The following MLH3 variants were observed in gnomAD, a reference collection of about 807,000 sequenced individuals.
The protein encoded by MLH3 is mutL homolog 3.
A neutral mutation model predicts 122.2 loss-of-function variants in MLH3; 82 were observed. That is an observed-to-expected ratio of 0.67 (90% CI 0.56 to 0.81). The LOEUF is 0.81. Ranked by LOEUF, MLH3 falls within the 30% of genes least tolerant of loss-of-function variation. The pLI is 0.00. For missense variants in MLH3, 1,539 were observed against 1,714.5 expected, an observed-to-expected ratio of 0.90 and a Z score of 1.81; for synonymous variants, 524 against 599.5, an observed-to-expected ratio of 0.87 and a Z score of 1.84.
intron 2 of MLH3, among the ~76,000 whole-genome samples, chr14:75,042,852 T>A (rs574554373): frequency 6.6e-6 from 1 of 152,068 alleles, no homozygotes; most frequent in East Asian, 1.9e-4. Context: ...CTCGGCTTAC[T>A]GCAACTTCCG....
chr14:75,039,317 A>G (rs1171345459), intron 5 of MLH3, among the ~76,000 whole-genome samples: 1 of 152,144 alleles, frequency 6.6e-6, no homozygotes, highest in East Asian at 1.9e-4. Flanking sequence ...GTACCAGGTC[A>G]ATGCCAGGTT....
intron 9 of MLH3, among the ~76,000 whole-genome samples, chr14:75,029,833 C>G (rs1049487724): frequency 6.6e-6 from 1 of 152,160 alleles, no homozygotes; most frequent in African/African-American, 2.4e-5. Context: ...CCTTGCCCAG[C>G]CTAGTTTCCC....
rs1891930402 is a variant in MLH3 at position 75,042,492 on chromosome 14, G to GA, written c.3281-16dup. The GA allele has an allele frequency of 6.3e-7, 1 of 1,579,372 alleles. No individual in the cohort carries two copies. Among genetic ancestry groups the GA allele is most frequent in the East Asian group, 2.2e-5 (1 of 44,748 alleles). On this transcript the variant is annotated splice_polypyrimidine_tract_variant and intron_variant, in intron 2 of 12. Coordinates refer to ENST00000355774, the MANE Select transcript of MLH3 (RefSeq NM_001040108.2). ...GTACTGAGACCCTAAATATAAGAAAGAAAAACCTAGAAATGTGAACTTAAA... is the reference window on the plus strand; with the variant it reads ...GTACTGAGACCCTAAATATAAGAAAGAAAAAACCTAGAAATGTGAACTTAAA...
In MLH3 at chr14:75,024,052, G is replaced by A. The variant is rs552574600; in HGVS notation, c.3988-1034C>T. ...GTGTGGATGGAGAGCAAACATTCTT[G>A]TGTTTGTACATCTGGGATGGTAAAA... On this transcript the variant is annotated intron_variant, in intron 9 of 12. Coordinates refer to ENST00000355774, the MANE Select transcript of MLH3 (RefSeq NM_001040108.2). Among the ~76,000 whole-genome samples, 21 of 152,284 alleles carry A rather than the reference G, an allele frequency of 1.4e-4. 1 individual carries two copies. The South Asian group carries it at 4.4e-3, about 32-fold the overall frequency.
At chr14:75,034,191 T>TAAAAGAAAAAAAAAAAAAAA (rs1891235554) in intron 6 of MLH3, among the ~76,000 whole-genome samples, 1 of 143,680 alleles carries the variant, frequency 7.0e-6, no homozygotes. Flanking sequence ...GACTCCATCT[T>TAAAAGAAAAAAAAAAAAAAA]AAAAAAAAAA....
chr14:75,018,214 TCTC>T (rs1890028506), intron 12 of MLH3, among the ~76,000 whole-genome samples: 2 of 152,248 alleles, frequency 1.3e-5, no homozygotes, highest in South Asian at 4.1e-4. Flanking sequence ...TTCTCCATGT[TCTC>T]CTTCACTGAA....
At chr14:75,039,867 ATATATATATATATATT>A (rs770722417) in intron 5 of MLH3, 28 bp downstream of exon 5, 12 of 272,678 alleles carry the variant, frequency 4.4e-5, no homozygotes, top group South Asian at 6.6e-5. Context: ...ATATATATAT[ATATATATATATATATT>A]TATGAGATTT....
chr14:75,024,818 A>T (rs1890522403), intron 9 of MLH3, among the ~76,000 whole-genome samples: 1 of 152,214 alleles, frequency 6.6e-6, no homozygotes, highest in South Asian at 2.1e-4. Context: ...TAGTCTTTTA[A>T]GTTCCTTCAG....
intron 5 of MLH3, 58 bp downstream of exon 5, chr14:75,039,845 CCATATATA>C (rs1230039230): frequency 3.2e-5 from 10 of 316,526 alleles, no homozygotes; most frequent in African/African-American, 2.5e-4. Flanking sequence ...AAGAGTTAGG[CCATATATA>C]TATATATATA....
In MLH3 at chr14:75,047,569, G is replaced by A. The variant is rs755009705; in HGVS notation, c.2087C>T (p.Ala696Val). ...TGATTTTTTGCTACCTTCCTGAAAA[G>A]CAGAAAACATTGTATAAGTTGCTGT... ...EPTATYTMFS[A>V]FQEGSKKSQT... Residue 696 changes from alanine (A) to valine (V), a missense_variant, in exon 2 of 13, where the codon GCT (alanine) becomes GTT (valine). Transcript: ENST00000355774. The A allele has an allele frequency of 6.2e-7, 1 of 1,613,968 alleles. No individual in the cohort carries two copies. Among genetic ancestry groups the A allele is most frequent in the Admixed American group, 1.7e-5 (1 of 60,014 alleles).
At chr14:75,038,030 G>C (rs987471198) in intron 6 of MLH3, among the ~76,000 whole-genome samples, 1 of 152,168 alleles carries the variant, frequency 6.6e-6, no homozygotes, top group Non-Finnish European at 1.5e-5. Flanking sequence ...CTCCTGAGTA[G>C]CTGGGACTAC....
intron 4 of MLH3, among the ~76,000 whole-genome samples, chr14:75,040,839 G>T (rs1329069646): frequency 6.6e-6 from 1 of 152,100 alleles, no homozygotes; most frequent in Non-Finnish European, 1.5e-5. Context: ...TCTGAGAGTG[G>T]TAAACACATT....
In MLH3 at chr14:75,014,566, T is replaced by G. The variant is rs1889800376; in HGVS notation, c.*2516A>C. On this transcript the variant is annotated 3_prime_UTR_variant, in exon 13 of 13. Transcript: ENST00000355774. ...CAGAAGAAGCTACTATATTCTATCA[T>G]TAGTTTCCTTGTCTTTCTCAGTGAC... 3 of 201,994 alleles carry G rather than the reference T, an allele frequency of 1.5e-5. No individual in the cohort carries two copies. The highest frequency in any genetic ancestry group is 3.1e-5 in the Non-Finnish European group (3 of 98,180). 12.5% of individuals were successfully genotyped at this position (201,994 alleles called of 1,614,324 possible). A position where few individuals can be genotyped will look rare whatever the true frequency, so the allele number is the denominator to read the frequency against.
chr14:75,030,309 T>G (rs1890958921), intron 9 of MLH3, among the ~76,000 whole-genome samples: 1 of 152,208 alleles, frequency 6.6e-6, no homozygotes, highest in Non-Finnish European at 1.5e-5. Flanking sequence ...CCTTTATCAC[T>G]GGGAAGAAAG....
In MLH3 at chr14:75,049,212, CA is replaced by C; in HGVS notation, c.443del (p.Val148GlyfsTer10). On this transcript the variant is annotated frameshift_variant, in exon 2 of 13. Coordinates refer to ENST00000355774, the MANE Select transcript of MLH3 (RefSeq NM_001040108.2). LOFTEE classifies it high-confidence loss of function. The part of the protein sequence containing the change: ...TRASAGTTVT[V>X]YNLFYQLPVR... ...CAGGAAGCTGGTAAAATAGGTTATA[CA>C]CTGTTACAGTAGTCCCAGCGCTTGC... 6.2e-7 allele frequency: 1 copy of C among 1,614,210 alleles called. No individual in the cohort carries two copies. Among genetic ancestry groups the C allele is most frequent in the Non-Finnish European group, 8.5e-7 (1 of 1,180,036 alleles).
At chr14:75,027,626 G>A (rs2139360099) in intron 9 of MLH3, among the ~76,000 whole-genome samples, 2 of 120,852 alleles carry the variant, frequency 1.7e-5, no homozygotes, top group South Asian at 5.4e-4. Context: ...CTCAAGATCT[G>A]TTTGTGGATA....
At chr14:75,040,382 G>A (rs10141345) in intron 4 of MLH3, among the ~76,000 whole-genome samples, 63,593 of 145,290 alleles carry the variant, frequency 0.44, 15,410 homozygotes, top group East Asian at 0.84. Context: ...CCCGGGAGGC[G>A]GAGCTTGCAG....
chr14:75,044,797 G>A lies in MLH3; in HGVS notation c.3280+1579C>T, dbSNP rs374399911. Among the ~76,000 whole-genome samples the A allele has an allele frequency of 3.3e-5, 5 of 152,108 alleles. 1 individual carries two copies. In the South Asian group the frequency reaches 6.2e-4, roughly 19 times the overall value. ...TCATCGTCAGGAGAAATTAGAAATT[G>A]ACTTATAACTACATTTATACATGTT... On this transcript the variant is annotated intron_variant, in intron 2 of 12. Transcript: ENST00000355774.
At chr14:75,022,971 C>T (rs1371541804) in intron 10 of MLH3, 24 bp downstream of exon 10, 1 of 1,614,152 alleles carries the variant, frequency 6.2e-7, no homozygotes, top group East Asian at 2.2e-5. Flanking sequence ...CTGTGTGAAA[C>T]CCCAAAATAA....
Sources: allele counts gnomAD v4.1 joint callset (sites outside exome capture counted in the v4.1 genomes callset), GRCh38; gene constraint gnomAD v4.1.1; transcripts MANE v1.5; gene names NCBI Gene and HGNC (gene_info 2026-07-23, HGNC 2026-07-21).